SEPTIN4: variants seen among roughly 807,000 people sequenced by gnomAD.
SEPTIN4 encodes the protein septin-4.
A neutral mutation model predicts 107.1 loss-of-function variants in SEPTIN4; 52 were observed. That is an observed-to-expected ratio of 0.49 (90% CI 0.39 to 0.61). The LOEUF is 0.61. Among genes scored for constraint, SEPTIN4 ranks in the 20% least tolerant of loss-of-function variants. The pLI, the probability that SEPTIN4 is intolerant of heterozygous loss-of-function variation, is 0.00. For synonymous variants in SEPTIN4, 417 were observed against 467.0 expected, an observed-to-expected ratio of 0.89 and a Z score of 1.38; for missense variants, 1,048 against 1,243.5, an observed-to-expected ratio of 0.84 and a Z score of 2.36.
rs562449627 is a variant in SEPTIN4, at chr17:58,525,752, C to T, written c.2035G>A (p.Val679Ile). 81 of 1,614,154 alleles carry T rather than the reference C, an allele frequency of 5.0e-5. 1 individual carries two copies. The South Asian group carries it at 8.2e-4, about 16-fold the overall frequency. The change falls in exon 6 of 14, where the codon GTC becomes ATC. Residue 679 changes from valine to isoleucine, a missense_variant. Val to Ile is a conservative substitution (Grantham distance 29). This residue lies in a region of SEPTIN4 where 787 missense variants were observed against 871.8 expected (regional missense o/e 0.90). Transcript: ENST00000672673. ...GESGLGKSTL[V>I]NSLFLTDLYR... The stretch of plus-strand genomic sequence containing the variant: ...AGATCAGTGAGGAAGAGGCTATTGA[C>T]AAGTGTGGATTTGCCCAGGCCAGAC...
Position 58,525,166 on chromosome 17 carries a change from C to T in SEPTIN4, c.2128G>A (p.Ala710Thr). The stretch of plus-strand genomic sequence containing the variant: ...ACACCCTTCTCTTCTATGTCCACTG[C>T]ATGCTTAGTGATCTCCACAGTTTGC... ...IMQTVEITKH[A>T]VDIEEKGVRL... Residue 710 changes from alanine (A) to threonine (T), a missense_variant, in exon 7 of 14, where the codon GCA becomes ACA. This residue lies in a region of SEPTIN4 where 787 missense variants were observed against 871.8 expected (regional missense o/e 0.90). Coordinates refer to ENST00000672673, the MANE Select transcript of SEPTIN4 (RefSeq NM_001368771.2). 1 of 1,614,194 alleles carries T rather than the reference C, an allele frequency of 6.2e-7. No individual in the cohort carries two copies. Among genetic ancestry groups the T allele is most frequent in the Non-Finnish European group, 8.5e-7 (1 of 1,180,034 alleles).
At chr17:58,530,723 A>G (rs1346515686) in intron 3 of SEPTIN4, 1 of 152,494 alleles carries the variant, frequency 6.6e-6, no homozygotes, top group African/African-American at 2.4e-5. Context: ...CCATCCCTAG[A>G]ACAATCAGTC....
At chr17:58,523,010 A>G (rs916771843) in intron 7 of SEPTIN4, among the ~76,000 whole-genome samples, 1 of 152,330 alleles carries the variant, frequency 6.6e-6, no homozygotes, top group East Asian at 1.9e-4. Context: ...TGACAGGTGG[A>G]CATTATGCAT....
chr17:58,535,349 A>T (rs568261245), intron 3 of SEPTIN4, among the ~76,000 whole-genome samples: 5 of 152,344 alleles, frequency 3.3e-5, no homozygotes, highest in Admixed American at 3.3e-4. Context: ...TAGGGCAGAC[A>T]GTCCTTCCAA....
In SEPTIN4 at chr17:58,538,988, C is replaced by T. The variant is rs2043805264; in HGVS notation, c.1614+1678G>A. 1 of 544,428 alleles carries T rather than the reference C, an allele frequency of 1.8e-6. No homozygotes were observed. Among genetic ancestry groups the T allele is most frequent in the Admixed American group, 3.6e-5 (1 of 27,920 alleles). 33.7% of individuals were successfully genotyped at this position (544,428 alleles called of 1,614,324 possible). On this transcript the variant is annotated intron_variant, in intron 3 of 13. Coordinates refer to ENST00000672673, the MANE Select transcript of SEPTIN4 (RefSeq NM_001368771.2). The surrounding 1 kb of genome is among the most constrained non-coding windows in gnomAD (Gnocchi z 4.7). ...GATCAGAGGAATCAGAGGCCTTGGACACCAGCACCACAGCGTCTCCATCCT... is the reference window on the plus strand; with the variant it reads ...GATCAGAGGAATCAGAGGCCTTGGATACCAGCACCACAGCGTCTCCATCCT...
chr17:58,522,153 T>C (rs1339155499), intron 7 of SEPTIN4, 52 bp from the exon 8 acceptor site: 4 of 1,609,086 alleles, frequency 2.5e-6, no homozygotes, highest in Non-Finnish European at 3.4e-6. Flanking sequence ...AGCCACCTAG[T>C]GAGCTCTGGG....
Position 58,520,888 on chromosome 17 carries a change from C to G in SEPTIN4, c.2832-46G>C, listed in dbSNP as rs757163345. The G allele has an allele frequency of 3.7e-6, 6 of 1,613,486 alleles. No individual in the cohort carries two copies. In the African/African-American group the frequency reaches 8.0e-5, roughly 22 times the overall value. ...ATAAGGCGAGGAGGACCCCAGCACC[C>G]GCTTAGATTGAGCCCAGGGCCTATA... On this transcript the variant is annotated intron_variant, in intron 12 of 13. Coordinates refer to ENST00000672673, the MANE Select transcript of SEPTIN4 (RefSeq NM_001368771.2).
chr17:58,537,439 T>C (rs923256893), intron 3 of SEPTIN4, among the ~76,000 whole-genome samples: 2 of 152,160 alleles, frequency 1.3e-5, no homozygotes, highest in African/African-American at 2.4e-5. Context: ...TGCTCTGGAA[T>C]TGGCTGCCCA....
In SEPTIN4 at chr17:58,543,110, G is replaced by A. The variant is rs143550401; in HGVS notation, c.1077C>T (p.Ser359=). ...GAGTAACAAACATGGATGACTTGTG[G>A]GAGCCCTCAGACACTGATGGAACTG... ...HVTVPSVSEG[S]HKSSMFVTPE... is the part of the protein sequence containing the mutation. The change falls in exon 1 of 14, where the codon TCC becomes TCT. Residue 359 remains serine, a synonymous_variant. Coordinates refer to ENST00000672673, the MANE Select transcript of SEPTIN4 (RefSeq NM_001368771.2). 4 of 1,612,430 alleles carry A rather than the reference G, an allele frequency of 2.5e-6. No individual in the cohort carries two copies. The highest frequency in any genetic ancestry group is 3.4e-6 in the Non-Finnish European group (4 of 1,179,114).
At chr17:58,535,417 C>G (rs550654915) in intron 3 of SEPTIN4, among the ~76,000 whole-genome samples, 52 of 152,332 alleles carry the variant, frequency 3.4e-4, no homozygotes, top group Admixed American at 6.5e-4. Context: ...GACTTACAAA[C>G]CTCCTAATGT....
At chr17:58,534,272 T>G (rs2043634760) in intron 3 of SEPTIN4, among the ~76,000 whole-genome samples, 1 of 152,266 alleles carries the variant, frequency 6.6e-6, no homozygotes, top group Non-Finnish European at 1.5e-5. Flanking sequence ...AAGCCCTGCA[T>G]GCTAACCTAC....
chr17:58,528,792 TC>T (rs985675396), intron 3 of SEPTIN4, among the ~76,000 whole-genome samples: 3 of 152,122 alleles, frequency 2.0e-5, no homozygotes, highest in African/African-American at 7.2e-5. Context: ...TCACCTGGTT[TC>T]CCAGGAGCAC....
rs1165088126 is a variant in SEPTIN4 at position 58,520,434 on chromosome 17, TCTC to T, written c.2980_2982del (p.Glu994del). The T allele has an allele frequency of 1.9e-6, 3 of 1,613,038 alleles. No homozygotes were observed. In the South Asian group the frequency reaches 3.3e-5, roughly 18 times the overall value. On this transcript the variant is annotated inframe_deletion, in exon 14 of 14. Coordinates refer to ENST00000672673, the MANE Select transcript of SEPTIN4 (RefSeq NM_001368771.2). ...CCAGGGCTGAAAGCCAGTTAATAGT[TCTC>T]CTTCATCTGTTTTTGTATTTTGTGT... is the stretch of plus-strand genomic sequence containing the variant.
intron 7 of SEPTIN4, among the ~76,000 whole-genome samples, chr17:58,522,349 C>T (rs1320201680): frequency 6.6e-6 from 1 of 151,806 alleles, no homozygotes; most frequent in Non-Finnish European, 1.5e-5. Flanking sequence ...GGGAAAGGGC[C>T]CAGGTGATCA....
chr17:58,537,171 T>C (rs914411020), intron 3 of SEPTIN4, among the ~76,000 whole-genome samples: 2 of 152,182 alleles, frequency 1.3e-5, no homozygotes, highest in African/African-American at 4.8e-5. Context: ...TGCCCCCATT[T>C]TATAGGCAGA....
rs775813794 is a variant in SEPTIN4 at position 58,544,153 on chromosome 17, C to G, written c.34G>C (p.Ala12Pro). Residue 12 changes from alanine to proline, a missense_variant, in exon 1 of 14, where the codon GCG becomes CCG. Ala to Pro is a conservative substitution (Grantham distance 27). Transcript: ENST00000672673. Reference protein sequence around the residue: ...VKTNKPGAKVAVSAQRGSEVT... With the variant: ...VKTNKPGAKVPVSAQRGSEVT... ...TCAGACCCTCTCTGTGCTGAAACCG[C>G]TACCTTGGCCCCAGGTTTATTTGTC... is the stretch of plus-strand genomic sequence containing the variant. 6.8e-6 allele frequency: 11 copies of G among 1,613,348 alleles called. No homozygotes were observed. The highest frequency in any genetic ancestry group is 9.3e-6 in the Non-Finnish European group (11 of 1,179,638).
chr17:58,539,998 C>G (rs1180340333), intron 3 of SEPTIN4, among the ~76,000 whole-genome samples: 1 of 152,136 alleles, frequency 6.6e-6, no homozygotes, highest in African/African-American at 2.4e-5. Context: ...ACTGTCCATC[C>G]TGAGTCAGCC....
chr17:58,529,203 A>G, intron 3 of SEPTIN4: 1 of 1,614,160 alleles, frequency 6.2e-7, no homozygotes, highest in Non-Finnish European at 8.5e-7. Context: ...CCTGTCAGAA[A>G]GCTCTAGGTC....
At position 58,525,138 on chromosome 17, in the gene SEPTIN4, C is replaced by T; in HGVS notation, c.2156G>A (p.Arg719Lys). 2 of 1,614,230 alleles carry T rather than the reference C, an allele frequency of 1.2e-6. No homozygotes were observed. Among genetic ancestry groups the T allele is most frequent in the Non-Finnish European group, 1.7e-6 (2 of 1,180,044 alleles). Reference protein sequence around the residue: ...HAVDIEEKGVRLRLTIVDTPG... With the variant: ...HAVDIEEKGVKLRLTIVDTPG... ...TGTGTCCACAATGGTGAGCCGCAGC[C>T]TCACACCCTTCTCTTCTATGTCCAC... The change falls in exon 7 of 14, where the codon AGG becomes AAG. Residue 719 changes from arginine (R) to lysine (K), a missense_variant. Physicochemically the swap from Arg to Lys is conservative, Grantham distance 26. Transcript: ENST00000672673.
Sources: gnomAD v4.1 joint callset for allele counts (sites outside exome capture counted in the v4.1 genomes callset) on GRCh38, gnomAD v4.1.1 for gene constraint, gnomAD v4.1.1 regional missense constraint, Gnocchi (gnomAD v3.1) non-coding constraint, MANE v1.5 for transcripts, NCBI Gene and HGNC (gene_info 2026-07-23, HGNC 2026-07-21) for gene names.